Variants in PRELID2 observed in about 807,000 individuals in gnomAD.
PRELID2 encodes PRELI domain-containing protein 2.
A neutral mutation model predicts 28.4 loss-of-function variants in PRELID2; 25 were observed. That is an observed-to-expected ratio of 0.88 (90% CI 0.64 to 1.23). PRELID2 has a LOEUF of 1.23. Ranked by LOEUF, PRELID2 falls within the 50% of genes most tolerant of loss-of-function variation. The pLI is 0.00. For synonymous variants in PRELID2, 76 were observed against 71.6 expected (o/e 1.06, Z -0.31); for missense variants, 201 against 214.4 (o/e 0.94, Z 0.39).
chr5:145,716,214 C>G (rs895731555), intron 1 of PRELID2, among the ~76,000 whole-genome samples: 2 of 152,172 alleles, frequency 1.3e-5, no homozygotes, highest in Admixed American at 1.3e-4. Flanking sequence ...CCTATCCTGT[C>G]TTGTTCGTCA....
the PRELID2 span, among the ~76,000 whole-genome samples, chr5:145,261,325 C>T: frequency 1.3e-5 from 2 of 152,300 alleles, no homozygotes; most frequent in African/African-American, 4.8e-5. Context: ...TATGTTACTA[C>T]AGCTAATCTG....
intron 1 of PRELID2, among the ~76,000 whole-genome samples, chr5:145,623,311 G>A (rs1753797474): frequency 6.6e-6 from 1 of 151,914 alleles, no homozygotes. Flanking sequence ...AGCCAGGTGT[G>A]GTGGCGCGCA....
In PRELID2 at chr5:145,554,664, C is replaced by A. The variant is rs1301593840; in HGVS notation, n.71-81349G>T. ...GTAATAGGGCTGTGTTGTTGGCTGGCACTCCTCAAAATGGATCTTTTATAA... is the reference window on the plus strand; with the variant it reads ...GTAATAGGGCTGTGTTGTTGGCTGGAACTCCTCAAAATGGATCTTTTATAA... On this transcript the variant is annotated intron_variant and non_coding_transcript_variant, in intron 1 of 2. Transcript: ENST00000510259. Among the ~76,000 whole-genome samples the A allele has an allele frequency of 2.6e-5, 4 of 152,224 alleles. No homozygotes were observed. The East Asian group carries it at 7.7e-4, about 29-fold the overall frequency.
At chr5:145,333,918 C>T in the PRELID2 span, among the ~76,000 whole-genome samples, 4,159 of 152,052 alleles carry the variant, frequency 0.027, 186 homozygotes, top group African/African-American at 0.095. Context: ...TGTAGGCACC[C>T]AAGGGAATCT....
At chr5:145,729,668 A>G (rs1210857366) in intron 1 of PRELID2, among the ~76,000 whole-genome samples, 1 of 152,206 alleles carries the variant, frequency 6.6e-6, no homozygotes, top group Non-Finnish European at 1.5e-5. Context: ...GTGTCCGTTG[A>G]CGATGCGTCC....
chr5:145,461,658 C>T, the PRELID2 span, among the ~76,000 whole-genome samples: 1,181 of 152,228 alleles, frequency 7.8e-3, 17 homozygotes, highest in African/African-American at 0.027. Flanking sequence ...ATTCCTATCC[C>T]ACTGGATGGT....
intron 4 of PRELID2, among the ~76,000 whole-genome samples, chr5:145,798,877 G>T (rs1179143123): frequency 1.3e-5 from 2 of 152,128 alleles, no homozygotes; most frequent in South Asian, 4.1e-4. Context: ...CTGTCAGTGG[G>T]TGGGGGCCTA....
downstream of PRELID2, among the ~76,000 whole-genome samples, chr5:145,468,189 A>G (rs1220682282): frequency 6.6e-6 from 1 of 152,082 alleles, no homozygotes; most frequent in Non-Finnish European, 1.5e-5. Flanking sequence ...TCCTGGCGAT[A>G]GTTTGCTGAG....
intron 1 of PRELID2, among the ~76,000 whole-genome samples, chr5:145,631,153 T>G (rs764399152): frequency 1.2e-4 from 18 of 152,218 alleles, no homozygotes; most frequent in Non-Finnish European, 2.1e-4. Context: ...CAGCCCCCAT[T>G]TATAGAACTT....
chr5:145,542,409 C>T (rs940917458), intron 1 of PRELID2, among the ~76,000 whole-genome samples: 1 of 152,118 alleles, frequency 6.6e-6, no homozygotes, highest in African/African-American at 2.4e-5. Flanking sequence ...TTTTATGCAA[C>T]AGATATTATG....
intron 4 of PRELID2, among the ~76,000 whole-genome samples, chr5:145,797,440 G>A (rs1237573694): frequency 6.6e-6 from 1 of 152,046 alleles, no homozygotes; most frequent in Non-Finnish European, 1.5e-5. Flanking sequence ...CCCTCAGTAG[G>A]GATAGAAAAG....
At position 145,536,931 on chromosome 5, in the gene PRELID2, G is replaced by T. The variant is rs143284079; in HGVS notation, n.71-63616C>A. On this transcript the variant is annotated intron_variant and non_coding_transcript_variant, in intron 1 of 2. Coordinates refer to the PRELID2 transcript ENST00000510259. ...AAACAGAAGAAAGTAGAAGTTACAA[G>T]AACTTTGTTGTGGAAGAGAGAATTT... Among the ~76,000 whole-genome samples the T allele has an allele frequency of 6.5e-3, 991 of 151,800 alleles. 16 individuals carry two copies. Among genetic ancestry groups the T allele is most frequent in the African/African-American group, 0.022 (927 of 41,450 alleles).
At chr5:145,646,764 C>T (rs1030163109) in intron 1 of PRELID2, among the ~76,000 whole-genome samples, 2 of 152,212 alleles carry the variant, frequency 1.3e-5, no homozygotes, top group Non-Finnish European at 2.9e-5. Context: ...TTCCTTCTAA[C>T]ACTCAGGCCC....
At chr5:145,238,494 T>C in the PRELID2 span, among the ~76,000 whole-genome samples, 1 of 152,114 alleles carries the variant, frequency 6.6e-6, no homozygotes, top group African/African-American at 2.4e-5. Flanking sequence ...CCTAAATGCA[T>C]TTATTTACAC....
chr5:145,697,080 T>TATATATATAC (rs1554084239), intron 1 of PRELID2, among the ~76,000 whole-genome samples: 2 of 85,948 alleles, frequency 2.3e-5, no homozygotes, highest in African/African-American at 5.1e-5. Context: ...TATATATATA[T>TATATATATAC]ACACACACAC....
chr5:145,728,695 C>T, intron 1 of PRELID2: 6 of 1,555,612 alleles, frequency 3.9e-6, no homozygotes, highest in Non-Finnish European at 5.3e-6. Flanking sequence ...GATTTCACTT[C>T]AGCAAGTCCA....
chr5:145,623,950 A>T (rs1753809080), intron 1 of PRELID2, among the ~76,000 whole-genome samples: 1 of 152,160 alleles, frequency 6.6e-6, no homozygotes, highest in South Asian at 2.1e-4. Context: ...AGTTGCAAGT[A>T]CCAAGTTGTC....
intron 1 of PRELID2, among the ~76,000 whole-genome samples, chr5:145,475,903 T>G (rs1208910309): frequency 6.6e-6 from 1 of 152,198 alleles, no homozygotes; most frequent in Non-Finnish European, 1.5e-5. Context: ...TCATTAAAAA[T>G]AATTATTTGT....
the PRELID2 span, among the ~76,000 whole-genome samples, chr5:145,400,591 G>A: frequency 6.6e-6 from 1 of 152,148 alleles, no homozygotes; most frequent in South Asian, 2.1e-4. Flanking sequence ...GTTACCCCCA[G>A]GAACATACAT....
Sources: allele counts gnomAD v4.1 joint callset (sites outside exome capture counted in the v4.1 genomes callset), GRCh38; gene constraint gnomAD v4.1.1; transcripts MANE v1.5; gene names NCBI Gene and HGNC (gene_info 2026-07-23, HGNC 2026-07-21).